The following ALG8 variants were observed in gnomAD, a reference collection of about 807,000 sequenced individuals.
The protein encoded by ALG8 is ALG8 alpha-1,3-glucosyltransferase, also known as dolichyl pyrophosphate Glc1Man9GlcNAc2 alpha-1,3-glucosyltransferase.
Under a neutral mutation model 70.2 loss-of-function variants are expected in ALG8, and 48 were observed. That is an observed-to-expected ratio of 0.68 (90% CI 0.54 to 0.87). ALG8 has a LOEUF of 0.87. ALG8 is among the 40% of genes least tolerant of loss of function. The pLI is 0.00. For missense variants in ALG8, 572 were observed against 608.7 expected, an observed-to-expected ratio of 0.94 and a Z score of 0.64; for synonymous variants, 234 against 229.0, an observed-to-expected ratio of 1.02 and a Z score of -0.20.
chr11:78,124,472 G>A (rs1365538755), intron 2 of ALG8, among the ~76,000 whole-genome samples: 1 of 152,144 alleles, frequency 6.6e-6, no homozygotes, highest in Non-Finnish European at 1.5e-5. Context: ...AAAAATCACA[G>A]TGAAATGCTG....
At chr11:78,123,315 G>GAAAAAAAAAAAAAAAAAAAAAAAAAAA (rs1220218900) in intron 3 of ALG8, among the ~76,000 whole-genome samples, 1 of 88,536 alleles carries the variant, frequency 1.1e-5, no homozygotes, top group Non-Finnish European at 2.0e-5. Flanking sequence ...GGAAAAAAAA[G>GAAAAAAAAAAAAAAAAAAAAAAAAAAA]AAAAAAAAAA....
intron 9 of ALG8, among the ~76,000 whole-genome samples, chr11:78,108,377 CAGG>C (rs1171821110): frequency 3.3e-5 from 5 of 152,130 alleles, no homozygotes; most frequent in African/African-American, 1.2e-4. Flanking sequence ...GAGGCTGAGG[CAGG>C]AGAATCGCCA....
intron 1 of ALG8, among the ~76,000 whole-genome samples, chr11:78,128,445 CTT>C (rs1861172384): frequency 6.6e-6 from 1 of 152,118 alleles, no homozygotes. Context: ...CCAGCCAACC[CTT>C]CTTTCTCAGT....
Position 78,124,124 on chromosome 11 carries a change from T to C in ALG8, c.265A>G (p.Met89Val), listed in dbSNP as rs368145524. ...TAATTCAAATTATGGACATTCAGCA[T>C]TTCTTGATCAAAATATTTGGCAACA... is the stretch of plus-strand genomic sequence containing the variant. ...SHVAKYFDQEMLNVHNLNYSS... is the reference protein window; with the variant it reads ...SHVAKYFDQEVLNVHNLNYSS... The change falls in exon 3 of 13, where the codon ATG becomes GTG. Residue 89 changes from methionine to valine, a missense_variant. Physicochemically the swap from Met to Val is conservative, Grantham distance 21. Coordinates refer to ENST00000299626, the MANE Select transcript of ALG8 (RefSeq NM_024079.5). 6.2e-7 allele frequency: 1 copy of C among 1,614,150 alleles called. No individual in the cohort carries two copies. The highest frequency in any genetic ancestry group is 8.5e-7 in the Non-Finnish European group (1 of 1,180,008).
intron 8 of ALG8, chr11:78,112,320 G>GA (rs957985515): frequency 5.9e-5 from 20 of 341,432 alleles, no homozygotes; most frequent in Non-Finnish European, 9.1e-5. Context: ...GAGAAGGGGG[G>GA]AAAAAAAGCA....
intron 3 of ALG8, among the ~76,000 whole-genome samples, chr11:78,122,932 A>G (rs1307804050): frequency 1.3e-5 from 2 of 152,162 alleles, no homozygotes; most frequent in East Asian, 1.9e-4. Flanking sequence ...CCTCACAAAC[A>G]GAAACGATCC....
intron 1 of ALG8, among the ~76,000 whole-genome samples, chr11:78,131,211 G>C (rs1861295530): frequency 6.6e-6 from 1 of 151,578 alleles, no homozygotes; most frequent in African/African-American, 2.4e-5. Context: ...ATCAGTAAAA[G>C]TAATCTTAAT....
chr11:78,120,918 G>A, intron 4 of ALG8, 147 bp downstream of exon 4: 1 of 725,632 alleles, frequency 1.4e-6, no homozygotes, highest in South Asian at 1.6e-5. Flanking sequence ...GTTGGGCAGA[G>A]ACCACAGTTA....
chr11:78,106,645 A>C (rs1324561974), intron 10 of ALG8, among the ~76,000 whole-genome samples, 162 bp downstream of exon 10: 2 of 152,178 alleles, frequency 1.3e-5, no homozygotes, highest in Non-Finnish European at 2.9e-5. Flanking sequence ...GGGTCCAAGA[A>C]TCTCAAGTTA....
intron 3 of ALG8, among the ~76,000 whole-genome samples, chr11:78,123,299 T>C (rs1347096801): frequency 7.8e-5 from 8 of 102,000 alleles, no homozygotes; most frequent in African/African-American, 3.0e-4. Flanking sequence ...CAAGATTCCA[T>C]CTCAGGGAAA....
rs1860454947 is a variant in ALG8 at position 78,114,253 on chromosome 11, T to A, written c.673+13A>T. On this transcript the variant is annotated intron_variant, in intron 6 of 12. Coordinates refer to ENST00000299626, the MANE Select transcript of ALG8 (RefSeq NM_024079.5). ...AAATCGAAAATGTTTTTGCTATTAT[T>A]ACCAAAACTTGCCTGGTTTATTTGC... 2 of 1,613,960 alleles carry A rather than the reference T, an allele frequency of 1.2e-6. No homozygotes were observed. Among genetic ancestry groups the A allele is most frequent in the East Asian group, 2.2e-5 (1 of 44,868 alleles).
At chr11:78,114,070 A>G in intron 6 of ALG8, 81 bp from the exon 7 acceptor site, 1 of 1,413,624 alleles carries the variant, frequency 7.1e-7, no homozygotes, top group South Asian at 1.2e-5. Flanking sequence ...CTAAAACTAG[A>G]AGTATCCCAC....
intron 1 of ALG8, among the ~76,000 whole-genome samples, chr11:78,138,060 C>T (rs910889347): frequency 6.6e-6 from 1 of 152,132 alleles, no homozygotes; most frequent in African/African-American, 2.4e-5. Context: ...AAAATAACAA[C>T]TCTGGCCAGG....
At chr11:78,129,375 G>A (rs573996345) in intron 1 of ALG8, among the ~76,000 whole-genome samples, 210 of 150,142 alleles carry the variant, frequency 1.4e-3, no homozygotes, top group African/African-American at 4.8e-3. Context: ...AGCTGAGATC[G>A]CGCCACTGCA....
intron 4 of ALG8, 97 bp downstream of exon 4, chr11:78,120,968 G>A (rs375077103): frequency 8.6e-7 from 1 of 1,164,394 alleles, no homozygotes; most frequent in Non-Finnish European, 1.3e-6. Flanking sequence ...TTTTCAGAAG[G>A]AGCTCACATC....
At chr11:78,102,275 T>C (rs973729516) in intron 12 of ALG8, among the ~76,000 whole-genome samples, 8 of 152,190 alleles carry the variant, frequency 5.3e-5, no homozygotes, top group Non-Finnish European at 1.2e-4. Context: ...TCTGTCTCTA[T>C]GTTTGTTTAT....
chr11:78,112,527 G>A, intron 8 of ALG8, 123 bp downstream of exon 8: 2 of 1,456,704 alleles, frequency 1.4e-6, no homozygotes, highest in Non-Finnish European at 1.9e-6. Flanking sequence ...CCTGAAAGCT[G>A]AAATGCAGGA....
chr11:78,104,574 G>A, intron 10 of ALG8, 121 bp from the exon 11 acceptor site: 1 of 900,972 alleles, frequency 1.1e-6, no homozygotes, highest in African/African-American at 1.7e-5. Flanking sequence ...GCTGATTTTG[G>A]CACAAGTTCA....
chr11:78,135,710 T>C (rs1402747879), intron 1 of ALG8, among the ~76,000 whole-genome samples: 2 of 151,896 alleles, frequency 1.3e-5, no homozygotes, highest in African/African-American at 4.8e-5. Flanking sequence ...TAGCAGGGCA[T>C]GATGGTGTGC....
Sources: allele counts gnomAD v4.1 joint callset (sites outside exome capture counted in the v4.1 genomes callset), GRCh38; gene constraint gnomAD v4.1.1; transcripts MANE v1.5; gene names NCBI Gene and HGNC (gene_info 2026-07-23, HGNC 2026-07-21).